Variants in PCDH9 observed in about 807,000 individuals in gnomAD.
The protein encoded by PCDH9 is protocadherin-9.
A neutral mutation model predicts 70.6 loss-of-function variants in PCDH9; 24 were observed. That is an observed-to-expected ratio of 0.34 (90% CI 0.25 to 0.48). The LOEUF is 0.48. Among genes scored for constraint, PCDH9 ranks in the 20% least tolerant of loss-of-function variants. PCDH9 has a pLI of 0.99. For missense variants in PCDH9, 1,281 were observed against 1,503.6 expected (o/e 0.85, Z 2.45); for synonymous variants, 562 against 558.5 (o/e 1.01, Z -0.09).
At chr13:66,438,684 C>T (rs916391484) in intron 4 of PCDH9, among the ~76,000 whole-genome samples, 1 of 152,178 alleles carries the variant, frequency 6.6e-6, no homozygotes, top group African/African-American at 2.4e-5. Flanking sequence ...ACATAACACT[C>T]CTTATCTCTT....
intron 3 of PCDH9, among the ~76,000 whole-genome samples, chr13:66,737,289 G>T (rs1017707544): frequency 6.6e-6 from 1 of 152,098 alleles, no homozygotes; most frequent in Non-Finnish European, 1.5e-5. Flanking sequence ...GTAATTTAAG[G>T]TTGATAAATT....
intron 3 of PCDH9, among the ~76,000 whole-genome samples, chr13:66,728,213 T>C (rs1320092497): frequency 6.6e-6 from 1 of 152,196 alleles, no homozygotes; most frequent in Non-Finnish European, 1.5e-5. Context: ...ACTTCAGTTA[T>C]GCTGTTTGAC....
At chr13:66,880,500 A>AG (rs1304023811) in intron 3 of PCDH9, among the ~76,000 whole-genome samples, 1 of 152,228 alleles carries the variant, frequency 6.6e-6, no homozygotes, top group Non-Finnish European at 1.5e-5. Context: ...GAAAAATAGT[A>AG]GAAAAACAAA....
At chr13:66,429,504 T>C (rs1000316335) in intron 4 of PCDH9, among the ~76,000 whole-genome samples, 2 of 151,090 alleles carry the variant, frequency 1.3e-5, no homozygotes, top group Non-Finnish European at 3.0e-5. Context: ...ATACAGAACA[T>C]TTATGCCAGA....
chr13:67,214,960 A>ATATATATATG, intron 2 of PCDH9: 1 of 76,434 alleles, frequency 1.3e-5, no homozygotes, highest in Non-Finnish European at 2.8e-5. Context: ...ATATATATAT[A>ATATATATATG]TATATATATA....
intron 3 of PCDH9, among the ~76,000 whole-genome samples, chr13:66,711,435 T>A (rs2078792788): frequency 6.6e-6 from 1 of 151,870 alleles, no homozygotes; most frequent in South Asian, 2.1e-4. Flanking sequence ...AACCAAAGTA[T>A]TGCAGCTTCT....
chr13:66,869,638 T>C (rs971555605), intron 3 of PCDH9, among the ~76,000 whole-genome samples: 1 of 152,188 alleles, frequency 6.6e-6, no homozygotes, highest in Admixed American at 6.6e-5. Context: ...TTATTCTGCG[T>C]GTCTTTATGT....
In PCDH9 at chr13:66,744,263, C is replaced by T. The variant is rs566128336; in HGVS notation, c.3139-112852G>A. 9.9e-5 allele frequency among the ~76,000 whole-genome samples: 15 copies of T among 152,090 alleles called. 1 individual carries two copies. The South Asian group carries it at 2.7e-3, about 27-fold the overall frequency. On this transcript the variant is annotated intron_variant, in intron 3 of 4. Transcript: ENST00000377865. ...ATCCCTGGAGAAAGATACTTTATGA[C>T]CAGATGAAGATTAAATAAGCCCGAC...
chr13:67,025,797 A>T (rs1415047584), intron 2 of PCDH9, among the ~76,000 whole-genome samples: 2 of 152,124 alleles, frequency 1.3e-5, no homozygotes, highest in East Asian at 3.8e-4. Context: ...TATGCACTTT[A>T]TTCAATGTCA....
At chr13:66,564,209 T>C (rs2076618014) in intron 4 of PCDH9, among the ~76,000 whole-genome samples, 1 of 152,116 alleles carries the variant, frequency 6.6e-6, no homozygotes, top group South Asian at 2.1e-4. Flanking sequence ...TTTTCACCCA[T>C]GCTAGAGTAC....
At chr13:66,907,129 G>T (rs1290057735) in intron 2 of PCDH9, among the ~76,000 whole-genome samples, 1 of 152,048 alleles carries the variant, frequency 6.6e-6, no homozygotes, top group Admixed American at 6.6e-5. Context: ...GCTTGAGCTC[G>T]AGAGCTGGAG....
intron 4 of PCDH9, among the ~76,000 whole-genome samples, chr13:66,496,784 C>A (rs1959124496): frequency 6.6e-6 from 1 of 152,030 alleles, no homozygotes. Flanking sequence ...CAATTAAGTT[C>A]TCAATAGTGC....
intron 4 of PCDH9, among the ~76,000 whole-genome samples, chr13:66,349,636 G>A (rs942432752): frequency 1.3e-5 from 2 of 152,246 alleles, no homozygotes; most frequent in African/African-American, 4.8e-5. Flanking sequence ...GGCTTTTGGG[G>A]CAATAGGAGA....
chr13:66,360,209 T>C (rs1332784725), intron 4 of PCDH9, among the ~76,000 whole-genome samples: 2 of 152,114 alleles, frequency 1.3e-5, no homozygotes, highest in Admixed American at 6.6e-5. Context: ...AGTGTGATCA[T>C]TGAAAAGACA....
intron 2 of PCDH9, among the ~76,000 whole-genome samples, chr13:66,929,324 A>T (rs2082768346): frequency 6.6e-6 from 1 of 151,044 alleles, no homozygotes; most frequent in Non-Finnish European, 1.5e-5. Flanking sequence ...TTAATTTTTA[A>T]TTTTTTATAT....
At chr13:66,678,694 A>T (rs1327682032) in intron 3 of PCDH9, among the ~76,000 whole-genome samples, 1 of 151,980 alleles carries the variant, frequency 6.6e-6, no homozygotes, top group Non-Finnish European at 1.5e-5. Context: ...AAATAACAAG[A>T]AAAATCTTGG....
intron 2 of PCDH9, among the ~76,000 whole-genome samples, chr13:67,069,875 T>C (rs2085725780): frequency 6.6e-6 from 1 of 152,084 alleles, no homozygotes; most frequent in Non-Finnish European, 1.5e-5. Context: ...GGTATATTCA[T>C]AGGATTATGT....
chr13:66,535,190 C>T (rs17081473), intron 4 of PCDH9, among the ~76,000 whole-genome samples: 35,921 of 151,894 alleles, frequency 0.24, 4,724 homozygotes, highest in South Asian at 0.34. Flanking sequence ...ACATGAAACA[C>T]TAGAAAATGG....
chr13:67,146,461 A>T (rs919295717), intron 2 of PCDH9, among the ~76,000 whole-genome samples: 5 of 152,204 alleles, frequency 3.3e-5, no homozygotes, highest in Non-Finnish European at 5.9e-5. Flanking sequence ...ATATAAACCA[A>T]ACCAAACAAA....
Sources: allele counts gnomAD v4.1 joint callset (sites outside exome capture counted in the v4.1 genomes callset), GRCh38; gene constraint gnomAD v4.1.1; transcripts MANE v1.5; gene names NCBI Gene and HGNC (gene_info 2026-07-23, HGNC 2026-07-21).